Variants in ZNF469 observed in about 807,000 individuals in gnomAD.
ZNF469 encodes the protein zinc finger protein 469.
In ZNF469, 1 loss-of-function variant was observed where a neutral mutation model predicts 1.0. That is an observed-to-expected ratio of 1.00 (90% confidence interval 0.35 to 4.73). The LOEUF is 4.73. ZNF469 is among the 30% of genes most tolerant of loss of function. ZNF469 has a pLI of 0.16. For missense variants in ZNF469, 6,100 were observed against 5,356.3 expected (o/e 1.14, Z -4.33); for synonymous variants, 2,703 against 2,363.4 (o/e 1.14, Z -4.17).
chr16:88,107,276 T>A, the ZNF469 span, among the ~76,000 whole-genome samples: 2 of 152,034 alleles, frequency 1.3e-5, no homozygotes, highest in Non-Finnish European at 2.9e-5. Context: ...TTTAATTGAC[T>A]CACAGTTCAG....
the ZNF469 span, among the ~76,000 whole-genome samples, chr16:88,324,079 G>C: frequency 1.3e-4 from 20 of 152,212 alleles, no homozygotes; most frequent in Admixed American, 6.5e-4. Context: ...GCTGGGGTGA[G>C]ATCCGCCGCA....
At chr16:88,376,166 G>A in the ZNF469 span, among the ~76,000 whole-genome samples, 904 of 152,384 alleles carry the variant, frequency 5.9e-3, 10 homozygotes, top group African/African-American at 0.02. Flanking sequence ...GCACGCCTTC[G>A]CCAGTCGCCC....
At chr16:88,236,678 C>A in the ZNF469 span, among the ~76,000 whole-genome samples, 4 of 152,136 alleles carry the variant, frequency 2.6e-5, no homozygotes, top group East Asian at 7.7e-4. Flanking sequence ...ACCAGCCTGG[C>A]CAACATGGCA....
the ZNF469 span, among the ~76,000 whole-genome samples, chr16:88,143,095 G>A: frequency 2.0e-5 from 3 of 152,128 alleles, no homozygotes; most frequent in Non-Finnish European, 4.4e-5. Flanking sequence ...ACCGACACCC[G>A]GTGAGCACTC....
chr16:88,420,129 G>A (rs1905414588), intron 1 of ZNF469, among the ~76,000 whole-genome samples: 2 of 152,250 alleles, frequency 1.3e-5, no homozygotes, highest in Non-Finnish European at 2.9e-5. Flanking sequence ...CCCACACCGG[G>A]ACGAGGGAAG....
chr16:88,274,851 G>A, the ZNF469 span, among the ~76,000 whole-genome samples: 2 of 152,232 alleles, frequency 1.3e-5, no homozygotes, highest in Non-Finnish European at 2.9e-5. Context: ...GACCTGACAT[G>A]GTTCGCAGAC....
chr16:88,229,654 ACG>A, the ZNF469 span, among the ~76,000 whole-genome samples: 1 of 42,378 alleles, frequency 2.4e-5, no homozygotes, highest in Admixed American at 2.6e-4. Flanking sequence ...TGCTGATGTC[ACG>A]CGTGTGGATG....
the ZNF469 span, among the ~76,000 whole-genome samples, chr16:88,130,879 C>T: frequency 1.3e-5 from 2 of 152,194 alleles, no homozygotes; most frequent in Non-Finnish European, 2.9e-5. Flanking sequence ...CGTGGGAAGG[C>T]CCCGCGGAGT....
At chr16:88,370,967 G>A in the ZNF469 span, among the ~76,000 whole-genome samples, 5 of 152,350 alleles carry the variant, frequency 3.3e-5, no homozygotes, top group African/African-American at 7.2e-5. Flanking sequence ...TGGGAGGCAC[G>A]CGGCCCAGTC....
the ZNF469 span, among the ~76,000 whole-genome samples, chr16:88,273,096 G>T: frequency 6.6e-6 from 1 of 152,116 alleles, no homozygotes; most frequent in Non-Finnish European, 1.5e-5. Context: ...TGGATAGATA[G>T]ACTGGTGGGT....
chr16:88,427,484 G>T lies in ZNF469; in HGVS notation c.14G>T (p.Arg5Leu). The change falls in exon 3 of 3, where the codon CGC (arginine) becomes CTC (leucine). Residue 5 changes from arginine to leucine, a missense_variant. Coordinates refer to ENST00000565624, the MANE Select transcript of ZNF469 (RefSeq NM_001367624.2). The stretch of plus-strand genomic sequence containing the variant: ...GACGGAGGGGCCATGCCTGGGGAGC[G>T]CCCCCGAGGAGCGCCGCCCCCCACC... The part of the protein sequence containing the change: MPGE[R>L]PRGAPPPTMT... 1 of 1,518,214 alleles carries T rather than the reference G, an allele frequency of 6.6e-7. No homozygotes were observed. The allele number at this position is 1,518,214 out of a possible 1,614,324, so 94.0% of individuals were successfully genotyped here.
the ZNF469 span, among the ~76,000 whole-genome samples, chr16:88,359,976 T>C: frequency 6.6e-6 from 1 of 152,270 alleles, no homozygotes; most frequent in African/African-American, 2.4e-5. Context: ...ATGTACATCA[T>C]TAACAGAGAG....
chr16:88,214,878 C>T, the ZNF469 span, among the ~76,000 whole-genome samples: 2 of 152,116 alleles, frequency 1.3e-5, no homozygotes, highest in African/African-American at 2.4e-5. Context: ...GTGTATGTGC[C>T]ACATTTTCTC....
chr16:88,106,721 G>A, the ZNF469 span, among the ~76,000 whole-genome samples: 378 of 152,388 alleles, frequency 2.5e-3, 3 homozygotes, highest in African/African-American at 8.6e-3. Flanking sequence ...GCATTCAGGT[G>A]CAGGCTGGGG....
the ZNF469 span, among the ~76,000 whole-genome samples, chr16:88,150,892 G>A: frequency 6.6e-6 from 1 of 152,188 alleles, no homozygotes; most frequent in African/African-American, 2.4e-5. Context: ...TCTCGCCACG[G>A]TGGGGAAACT....
chr16:88,313,112 G>T, the ZNF469 span, among the ~76,000 whole-genome samples: 1 of 152,188 alleles, frequency 6.6e-6, no homozygotes, highest in South Asian at 2.1e-4. Context: ...CGGGCATTTT[G>T]AGCATCCCTC....
At chr16:88,400,696 C>T (rs574047150) in intron 1 of ZNF469, among the ~76,000 whole-genome samples, 1 of 151,520 alleles carries the variant, frequency 6.6e-6, no homozygotes, top group South Asian at 2.1e-4. Flanking sequence ...AGGCCCCATT[C>T]CAGAGGCTGA....
chr16:88,433,063 C>T lies in ZNF469; in HGVS notation c.5593C>T (p.Leu1865=). The change falls in exon 3 of 3, where the codon CTG becomes TTG. Residue 1865 remains leucine (L), a synonymous_variant. Transcript: ENST00000565624. The part of the protein sequence containing the change: ...NEFAPAGASS[L]TAPRGREAWL... ...GTTTGCACCGGCGGGGGCCTCCTCA[C>T]TGACTGCCCCCCGGGGCAGGGAGGC... 1 of 1,550,308 alleles carries T rather than the reference C, an allele frequency of 6.5e-7. No homozygotes were observed. Among genetic ancestry groups the T allele is most frequent in the Non-Finnish European group, 8.7e-7 (1 of 1,146,950 alleles).
chr16:88,413,930 C>T (rs964333919), intron 1 of ZNF469, among the ~76,000 whole-genome samples: 10 of 152,202 alleles, frequency 6.6e-5, no homozygotes, highest in African/African-American at 1.9e-4. Flanking sequence ...CACTTAGAGA[C>T]AGTGACCCTG....
Sources: allele counts gnomAD v4.1 joint callset (sites outside exome capture counted in the v4.1 genomes callset), GRCh38; gene constraint gnomAD v4.1.1; transcripts MANE v1.5; gene names NCBI Gene and HGNC (gene_info 2026-07-23, HGNC 2026-07-21).